Variants in CABIN1 observed in about 807,000 individuals in gnomAD.
CABIN1 encodes the protein calcineurin-binding protein cabin-1.
Under a neutral mutation model 227.7 loss-of-function variants are expected in CABIN1, and 133 were observed. The ratio of observed to expected loss-of-function variants is 0.58; its 90% confidence interval spans 0.51 to 0.67. The LOEUF is 0.67. CABIN1 is among the 30% of genes least tolerant of loss of function. The probability of loss-of-function intolerance (pLI) is 0.00; values close to 1 mark genes in which losing one functional copy is unlikely to be tolerated. For missense variants in CABIN1, 2,408 were observed against 2,852.5 expected (o/e 0.84, Z 3.55); for synonymous variants, 1,086 against 1,155.1 (o/e 0.94, Z 1.21).
chr22:24,094,287 C>T (rs2041740750), intron 24 of CABIN1, among the ~76,000 whole-genome samples: 1 of 152,168 alleles, frequency 6.6e-6, no homozygotes, highest in South Asian at 2.1e-4. Context: ...CAAGATTTGG[C>T]CTCTACTACT....
chr22:24,040,958 G>T (rs924668456), intron 4 of CABIN1, among the ~76,000 whole-genome samples, 181 bp from the exon 5 acceptor site: 1 of 152,158 alleles, frequency 6.6e-6, no homozygotes, highest in South Asian at 2.1e-4. Context: ...TTCTCTGTGC[G>T]CTTGGAGTAG....
chr22:24,155,466 G>A (rs1244704862), intron 29 of CABIN1, among the ~76,000 whole-genome samples: 1 of 152,052 alleles, frequency 6.6e-6, no homozygotes, highest in Non-Finnish European at 1.5e-5. Flanking sequence ...CTTTCTCTGT[G>A]GGCCTCACAG....
chr22:24,025,237 G>A (rs1182116856), intron 1 of CABIN1, among the ~76,000 whole-genome samples: 3 of 152,134 alleles, frequency 2.0e-5, no homozygotes, highest in African/African-American at 4.8e-5. Context: ...TTTGCAAAAT[G>A]TATTCCTTGT....
intron 19 of CABIN1, among the ~76,000 whole-genome samples, chr22:24,078,873 A>T (rs553891031): frequency 2.0e-5 from 3 of 152,244 alleles, no homozygotes; most frequent in South Asian, 4.1e-4. Context: ...CTTTTTGTCC[A>T]CATTTTTTTA....
chr22:24,110,384 A>G (rs1320713934), intron 26 of CABIN1, among the ~76,000 whole-genome samples: 1 of 152,222 alleles, frequency 6.6e-6, no homozygotes, highest in African/African-American at 2.4e-5. Flanking sequence ...CATATGCTCT[A>G]AGCCCACAAT....
intron 34 of CABIN1, chr22:24,173,498 C>G (rs2046944562): frequency 1.3e-5 from 2 of 152,158 alleles, no homozygotes; most frequent in African/African-American, 2.4e-5. Context: ...GCCATTTGTT[C>G]CCAGAGGAGC....
chr22:24,049,011 G>T, intron 6 of CABIN1, 80 bp from the exon 7 acceptor site: 6 of 1,537,162 alleles, frequency 3.9e-6, no homozygotes, highest in Non-Finnish European at 5.4e-6. Context: ...CTAGGAGCAG[G>T]ATTTTCCTGA....
chr22:24,178,320 C>T lies in CABIN1; in HGVS notation c.*124C>T. 1 of 1,230,024 alleles carries T rather than the reference C, an allele frequency of 8.1e-7. No individual in the cohort carries two copies. Among genetic ancestry groups the T allele is most frequent in the Non-Finnish European group, 1.1e-6 (1 of 878,220 alleles). 76.2% of individuals were successfully genotyped at this position (1,230,024 alleles called of 1,614,324 possible). ...GCCACTCCCCACACAGCCCCCAGGC[C>T]TGCCCAGCCCACCTCCTCATGGCAT... On this transcript the variant is annotated 3_prime_UTR_variant, in exon 37 of 37. Transcript: ENST00000263119.
At chr22:24,134,552 A>T in intron 29 of CABIN1, 137 bp downstream of exon 29, 1 of 719,474 alleles carries the variant, frequency 1.4e-6, no homozygotes, top group South Asian at 1.5e-5. Flanking sequence ...GCAGGGTGGT[A>T]CAGTCGAGAG....
intron 29 of CABIN1, among the ~76,000 whole-genome samples, chr22:24,161,104 G>T (rs1389709185): frequency 6.6e-6 from 1 of 152,210 alleles, no homozygotes; most frequent in Admixed American, 6.5e-5. Context: ...TCAGCTTAGA[G>T]TCTGGGGCTT....
Position 24,134,345 on chromosome 22 carries a change from C to T in CABIN1, c.4676C>T (p.Pro1559Leu). 7.4e-6 allele frequency: 12 copies of T among 1,614,126 alleles called. 1 individual carries two copies. The highest frequency in any genetic ancestry group is 1.1e-5 in the South Asian group (1 of 91,068). Residue 1559 changes from proline to leucine, a missense_variant, in exon 29 of 37, where the codon CCG becomes CTG. Physicochemically the swap from Pro to Leu is moderately conservative, Grantham distance 98. Transcript: ENST00000263119. ...GACGTGTTGCTAGGCAGCAGTATCC[C>T]GTGGCAACAACTGCAGCACATGCCG... Reference protein sequence around the residue: ...ARDVLLGSSIPWQQLQHMPAQ... With the variant: ...ARDVLLGSSILWQQLQHMPAQ...
At chr22:24,086,587 T>C (rs2041182936) in intron 22 of CABIN1, among the ~76,000 whole-genome samples, 2 of 152,368 alleles carry the variant, frequency 1.3e-5, no homozygotes, top group South Asian at 2.1e-4. Context: ...AGTCTGCTCT[T>C]CTGTGCTAGC....
chr22:24,090,027 G>C (rs138250649), intron 23 of CABIN1, among the ~76,000 whole-genome samples: 1 of 152,178 alleles, frequency 6.6e-6, no homozygotes, highest in African/African-American at 2.4e-5. Flanking sequence ...TCTGAGGATG[G>C]CAAGGTAGTG....
At chr22:24,173,841 C>T (rs888819248) in intron 34 of CABIN1, among the ~76,000 whole-genome samples, 2 of 152,030 alleles carry the variant, frequency 1.3e-5, no homozygotes, top group South Asian at 2.1e-4. Flanking sequence ...CTAAAAAAAA[C>T]GAACTGCAGT....
chr22:24,154,041 A>C (rs62231977), intron 29 of CABIN1, among the ~76,000 whole-genome samples: 3 of 152,146 alleles, frequency 2.0e-5, no homozygotes, highest in Admixed American at 6.5e-5. Flanking sequence ...GTGGGAAGGC[A>C]TGCGCGCTGG....
intron 1 of CABIN1, among the ~76,000 whole-genome samples, chr22:24,024,917 ATTTTG>A (rs1443387326): frequency 6.6e-6 from 1 of 151,662 alleles, no homozygotes; most frequent in Non-Finnish European, 1.5e-5. Flanking sequence ...TTCCTTTATT[ATTTTG>A]TTCATCTATC....
intron 28 of CABIN1, among the ~76,000 whole-genome samples, chr22:24,128,923 C>T (rs527424604): frequency 6.6e-6 from 1 of 152,302 alleles, no homozygotes; most frequent in Admixed American, 6.5e-5. Flanking sequence ...CACCATCTGT[C>T]CCTTGTGGAT....
intron 1 of CABIN1, among the ~76,000 whole-genome samples, chr22:24,022,437 T>A (rs990959862): frequency 2.0e-5 from 3 of 152,230 alleles, no homozygotes; most frequent in African/African-American, 7.2e-5. Context: ...GTTTCATATA[T>A]CAATTGTTTG....
chr22:24,084,868 T>C, intron 21 of CABIN1, 83 bp downstream of exon 21: 1 of 1,570,086 alleles, frequency 6.4e-7, no homozygotes, highest in Non-Finnish European at 8.8e-7. Context: ...GCTCCTTTGC[T>C]TCTTTTTCTG....
Sources: gnomAD v4.1 joint callset for allele counts (sites outside exome capture counted in the v4.1 genomes callset) on GRCh38, gnomAD v4.1.1 for gene constraint, MANE v1.5 for transcripts, NCBI Gene and HGNC (gene_info 2026-07-23, HGNC 2026-07-21) for gene names.